The following UBAP1 variants were observed in gnomAD, a reference collection of about 807,000 sequenced individuals.
UBAP1 encodes the protein ubiquitin associated protein 1.
UBAP1 carries 5 observed loss-of-function variants against 39.0 expected under a neutral mutation model. The observed-to-expected ratio is 0.13, with a 90% confidence interval of 0.07 to 0.27. The LOEUF is 0.27. Ranked by LOEUF, UBAP1 falls within the 10% of genes least tolerant of loss-of-function variation. The pLI is 1.00. For missense variants in UBAP1, 490 were observed against 608.1 expected (o/e 0.81, Z 2.04); for synonymous variants, 211 against 225.1 (o/e 0.94, Z 0.56).
At chr9:34,236,266 C>T (rs1210083106) in intron 3 of UBAP1, among the ~76,000 whole-genome samples, 1 of 152,016 alleles carries the variant, frequency 6.6e-6, no homozygotes, top group Non-Finnish European at 1.5e-5. Context: ...CAGTATTCAG[C>T]ATAGTAACAT....
chr9:34,231,837 G>A (rs1833439799), intron 2 of UBAP1, among the ~76,000 whole-genome samples: 2 of 149,998 alleles, frequency 1.3e-5, no homozygotes, highest in African/African-American at 4.9e-5. Context: ...TAGAGACGGG[G>A]TTTCACCATG....
At chr9:34,243,573 C>T (rs1201220572) in intron 4 of UBAP1, among the ~76,000 whole-genome samples, 1 of 151,948 alleles carries the variant, frequency 6.6e-6, no homozygotes, top group Non-Finnish European at 1.5e-5. Flanking sequence ...GCAACCTCCA[C>T]CTCCCAGGGT....
In UBAP1 at chr9:34,195,139, GT is replaced by G. The variant is rs1178929604; in HGVS notation, c.-8+15912del. 1.6e-3 allele frequency among the ~76,000 whole-genome samples: 237 copies of G among 143,900 alleles called. 1 individual carries two copies. Among genetic ancestry groups the G allele is most frequent in the African/African-American group, 4.8e-3 (191 of 39,618 alleles). 94.4% of individuals were successfully genotyped at this position (143,900 alleles called of 152,430 possible). A position where few individuals can be genotyped will look rare whatever the true frequency, so the allele number is the denominator to read the frequency against. On this transcript the variant is annotated intron_variant, in intron 1 of 6. Transcript: ENST00000297661. ...AAATGTATTTCATACATTCAGGTAA[GT>G]TTTTTTTTTTTTCTCTAACAGTGTC...
chr9:34,179,030 AG>A, upstream of UBAP1: 1 of 1,258,406 alleles, frequency 7.9e-7, no homozygotes, highest in Non-Finnish European at 1.0e-6. Context: ...TGGGGCGGTG[AG>A]GGGAAGGAGG....
At chr9:34,205,135 A>G (rs186994779) in intron 1 of UBAP1, among the ~76,000 whole-genome samples, 84 of 151,886 alleles carry the variant, frequency 5.5e-4, no homozygotes, top group Non-Finnish European at 7.9e-4. Flanking sequence ...CCCTGCCTCA[A>G]CCTCCTGAGT....
intron 1 of UBAP1, among the ~76,000 whole-genome samples, chr9:34,188,846 A>G (rs1830558715): frequency 6.6e-6 from 1 of 151,926 alleles, no homozygotes; most frequent in Non-Finnish European, 1.5e-5. Context: ...AATCCCAGCT[A>G]CTCAGGAGGC....
intron 1 of UBAP1, among the ~76,000 whole-genome samples, chr9:34,209,717 T>G (rs929831332): frequency 6.6e-6 from 1 of 152,270 alleles, no homozygotes; most frequent in Admixed American, 6.5e-5. Context: ...TTTTTTTGTT[T>G]GTGTTTTTTC....
At chr9:34,234,854 C>T (rs1833604481) in intron 3 of UBAP1, among the ~76,000 whole-genome samples, 1 of 152,096 alleles carries the variant, frequency 6.6e-6, no homozygotes, top group Non-Finnish European at 1.5e-5. Flanking sequence ...TACTTTTTAG[C>T]ATTATCTTTC....
intron 1 of UBAP1, among the ~76,000 whole-genome samples, chr9:34,198,871 G>A (rs1273336862): frequency 6.6e-6 from 1 of 152,176 alleles, no homozygotes. Context: ...CTGGTGAGGG[G>A]CGATGCAGTC....
At position 34,184,487 on chromosome 9, in the gene UBAP1, C is replaced by T. The variant is rs567444876; in HGVS notation, c.-8+5247C>T. On this transcript the variant is annotated intron_variant, in intron 1 of 6. Transcript: ENST00000297661. ...TCTACTAAAAATAGAAAAAATTAGC[C>T]GGGCCTGGTGGCGGGCACCTGTAGT... Among the ~76,000 whole-genome samples, 19 of 151,266 alleles carry T rather than the reference C, an allele frequency of 1.3e-4. No individual in the cohort carries two copies. In the South Asian group the frequency reaches 2.1e-3, roughly 17 times the overall value.
intron 1 of UBAP1, among the ~76,000 whole-genome samples, chr9:34,203,494 T>C (rs1005593800): frequency 1.3e-5 from 2 of 152,180 alleles, no homozygotes; most frequent in African/African-American, 2.4e-5. Flanking sequence ...GGTGTAATGG[T>C]GAATGAGACA....
At chr9:34,186,106 T>C (rs561532561) in intron 1 of UBAP1, among the ~76,000 whole-genome samples, 41 of 152,292 alleles carry the variant, frequency 2.7e-4, no homozygotes, top group Non-Finnish European at 4.4e-4. Flanking sequence ...TAAGCACTAG[T>C]TTTAAAGTAA....
chr9:34,198,962 G>A (rs1831212001), intron 1 of UBAP1, among the ~76,000 whole-genome samples: 1 of 152,194 alleles, frequency 6.6e-6, no homozygotes, highest in Non-Finnish European at 1.5e-5. Flanking sequence ...CTAGGCTCTG[G>A]AATTTTCACA....
rs1370917796 is a variant in UBAP1, at chr9:34,242,235, G to C, written c.1083+127G>C. 1.1e-5 allele frequency: 11 copies of C among 1,025,410 alleles called. No individual in the cohort carries two copies. The East Asian group carries it at 2.4e-4, about 23-fold the overall frequency. The allele number at this position is 1,025,410 out of a possible 1,614,324, so 63.5% of individuals were successfully genotyped here. On this transcript the variant is annotated intron_variant, in intron 4 of 6. Coordinates refer to ENST00000297661, the MANE Select transcript of UBAP1 (RefSeq NM_016525.5). Reference sequence around the variant, plus strand: ...TCTGTTGCCCAGGCTGGAATGCAGTGGTGTGATCGTACCTTATTGTAGCCT... The same window carrying C: ...TCTGTTGCCCAGGCTGGAATGCAGTCGTGTGATCGTACCTTATTGTAGCCT...
chr9:34,187,717 T>C (rs1298174459), intron 1 of UBAP1, among the ~76,000 whole-genome samples: 1 of 152,060 alleles, frequency 6.6e-6, no homozygotes, highest in Admixed American at 6.6e-5. Context: ...GCTTTTTTTT[T>C]TAAACTCTGT....
chr9:34,184,654 C>T (rs961974494), intron 1 of UBAP1, among the ~76,000 whole-genome samples: 5 of 148,016 alleles, frequency 3.4e-5, no homozygotes, highest in South Asian at 4.3e-4. Flanking sequence ...AAGAGAGTCT[C>T]GCTCTGTTGC....
In UBAP1 at chr9:34,216,961, C is replaced by T. The variant is rs376811839; in HGVS notation, c.-7-3947C>T. Among the ~76,000 whole-genome samples, 473 of 152,148 alleles carry T rather than the reference C, an allele frequency of 3.1e-3. 4 individuals carry two copies. Among genetic ancestry groups the T allele is most frequent in the South Asian group, 0.012 (59 of 4,818 alleles). ...CAATAGAATACCAGAACTTATTCTTCCTATGTGATGGTAACTTTAATCATT... is the reference window on the plus strand; with the variant it reads ...CAATAGAATACCAGAACTTATTCTTTCTATGTGATGGTAACTTTAATCATT... On this transcript the variant is annotated intron_variant, in intron 1 of 6. Transcript: ENST00000297661.
rs1283271172 is a variant in UBAP1 at position 34,182,647 on chromosome 9, CTTTCTTTCTTTCTTTCTTTCTTTCTT to C, written c.-8+3409_-8+3434del. Among the ~76,000 whole-genome samples the C allele has an allele frequency of 1.2e-3, 75 of 61,026 alleles. No homozygotes were observed. In the East Asian group the frequency reaches 0.013, roughly 10 times the overall value. The allele number at this position is 61,026 out of a possible 152,430, so 40.0% of individuals were successfully genotyped here. Reference sequence around the variant, plus strand: ...TCTTTCTTTCTTTCTTTCTTTCTTTCTTTCTTTCTTTCTTTCTTTCTTTCTTTCTTTCTTTCTCTCTCTCTTTCTTT... The same window carrying C: ...TCTTTCTTTCTTTCTTTCTTTCTTTCTCTTTCTTTCTCTCTCTCTTTCTTT... On this transcript the variant is annotated intron_variant, in intron 1 of 6. Coordinates refer to ENST00000297661, the MANE Select transcript of UBAP1 (RefSeq NM_016525.5).
chr9:34,236,499 C>T (rs1435900832), intron 3 of UBAP1, among the ~76,000 whole-genome samples: 1 of 152,162 alleles, frequency 6.6e-6, no homozygotes, highest in Non-Finnish European at 1.5e-5. Context: ...CATTGTTATA[C>T]ACACATACAG....
Sources: allele counts gnomAD v4.1 joint callset (sites outside exome capture counted in the v4.1 genomes callset), GRCh38; gene constraint gnomAD v4.1.1; transcripts MANE v1.5; gene names NCBI Gene and HGNC (gene_info 2026-07-23, HGNC 2026-07-21).